ARHGEF38: variants seen among roughly 807,000 people sequenced by gnomAD.
ARHGEF38 encodes the protein Rho guanine nucleotide exchange factor (GEF) 38.
Under a neutral mutation model 79.9 loss-of-function variants are expected in ARHGEF38, and 79 were observed. The ratio of observed to expected loss-of-function variants is 0.99; its 90% CI spans 0.82 to 1.19. ARHGEF38 has a LOEUF of 1.19. Ranked by LOEUF, ARHGEF38 falls within the 50% of genes most tolerant of loss-of-function variation. The pLI is 0.00. For missense variants in ARHGEF38, 962 were observed against 907.2 expected (o/e 1.06, Z -0.78); for synonymous variants, 366 against 328.3 (o/e 1.11, Z -1.24).
chr4:105,635,419 G>C (rs545486592), intron 4 of ARHGEF38, among the ~76,000 whole-genome samples: 3 of 151,470 alleles, frequency 2.0e-5, no homozygotes, highest in Admixed American at 6.6e-5. Context: ...TGATATTTAG[G>C]TTTTACTTGG....
At position 105,566,146 on chromosome 4, in the gene ARHGEF38, A is replaced by G. The variant is rs563244390; in HGVS notation, c.196+13185A>G. The stretch of plus-strand genomic sequence containing the variant: ...CCTCATTGTCGAGATCTGTCTCCTG[A>G]GAATTTCTCTAGACTTGTCCCCTTT... On this transcript the variant is annotated intron_variant, in intron 1 of 13. Transcript: ENST00000420470. 4.6e-5 allele frequency among the ~76,000 whole-genome samples: 7 copies of G among 152,318 alleles called. No individual in the cohort carries two copies. The South Asian group carries it at 1.5e-3, about 32-fold the overall frequency.
intron 1 of ARHGEF38, among the ~76,000 whole-genome samples, chr4:105,563,010 G>A (rs969168758): frequency 2.0e-5 from 3 of 152,118 alleles, no homozygotes; most frequent in Non-Finnish European, 2.9e-5. Flanking sequence ...CACACTTTAC[G>A]TTTGGGGATG....
At chr4:105,580,110 T>TTTCTC (rs70938200) in intron 1 of ARHGEF38, among the ~76,000 whole-genome samples, 130,707 of 151,776 alleles carry the variant, frequency 0.86, 56,342 homozygotes, top group South Asian at 0.93. Context: ...ATTTGGATCT[T>TTTCTC]TTTTCTTCTT....
intron 3 of ARHGEF38, among the ~76,000 whole-genome samples, chr4:105,614,889 T>A (rs1728449964): frequency 6.6e-6 from 1 of 152,224 alleles, no homozygotes; most frequent in African/African-American, 2.4e-5. Flanking sequence ...AACAGCTTCT[T>A]GAATTGAAGG....
At chr4:105,572,991 T>C (rs1726310748) in intron 1 of ARHGEF38, among the ~76,000 whole-genome samples, 2 of 152,210 alleles carry the variant, frequency 1.3e-5, no homozygotes, top group South Asian at 4.1e-4. Flanking sequence ...TGATTAGTGA[T>C]GCTGAGCATC....
chr4:105,655,833 T>C, intron 9 of ARHGEF38, 111 bp downstream of exon 9: 1 of 1,174,550 alleles, frequency 8.5e-7, no homozygotes, highest in South Asian at 1.8e-5. Context: ...CTAAAGCAAA[T>C]ATTAATGTCA....
intron 13 of ARHGEF38, among the ~76,000 whole-genome samples, chr4:105,675,462 A>G (rs1731087548): frequency 6.6e-6 from 1 of 152,156 alleles, no homozygotes; most frequent in Non-Finnish European, 1.5e-5. Context: ...TAATTTGACC[A>G]TGTTCATCAA....
At chr4:105,628,382 T>G (rs949066281) in intron 3 of ARHGEF38, among the ~76,000 whole-genome samples, 1 of 152,204 alleles carries the variant, frequency 6.6e-6, no homozygotes, top group African/African-American at 2.4e-5. Flanking sequence ...CAGTCCCACT[T>G]CTGGGCCCTC....
chr4:105,576,170 C>CT (rs1377608762), intron 1 of ARHGEF38, among the ~76,000 whole-genome samples: 12 of 152,000 alleles, frequency 7.9e-5, no homozygotes, highest in African/African-American at 2.9e-4. Context: ...ATTGTTTTTG[C>CT]TAATTCTGTG....
chr4:105,671,973 A>G (rs1002704279), intron 13 of ARHGEF38, among the ~76,000 whole-genome samples: 1 of 152,094 alleles, frequency 6.6e-6, no homozygotes, highest in African/African-American at 2.4e-5. Context: ...TGATGGGTCT[A>G]GTGGGCCCTG....
At chr4:105,564,515 T>C (rs1725792665) in intron 1 of ARHGEF38, among the ~76,000 whole-genome samples, 1 of 152,124 alleles carries the variant, frequency 6.6e-6, no homozygotes, top group Non-Finnish European at 1.5e-5. Context: ...GGAATTATTG[T>C]TTAATGGGTA....
chr4:105,674,784 TA>T, intron 13 of ARHGEF38, among the ~76,000 whole-genome samples: 1 of 152,194 alleles, frequency 6.6e-6, no homozygotes, highest in South Asian at 2.1e-4. Context: ...ATTTAGAATA[TA>T]AACTATAATT....
chr4:105,586,087 GCGA>G, intron 1 of ARHGEF38, among the ~76,000 whole-genome samples: 1 of 151,978 alleles, frequency 6.6e-6, no homozygotes, highest in East Asian at 1.9e-4. Flanking sequence ...GCTGATTTGG[GCGA>G]TATGTGTTGG....
chr4:105,590,116 AAGGAAGGAAG>A (rs1240539701), intron 2 of ARHGEF38, among the ~76,000 whole-genome samples: 74 of 143,002 alleles, frequency 5.2e-4, no homozygotes, highest in African/African-American at 2.0e-3. Flanking sequence ...GGAAGGAAGG[AAGGAAGGAAG>A]GAAAGAAAGA....
intron 1 of ARHGEF38, among the ~76,000 whole-genome samples, chr4:105,578,202 A>T (rs1302692697): frequency 3.3e-5 from 5 of 152,104 alleles, no homozygotes; most frequent in Non-Finnish European, 5.9e-5. Flanking sequence ...TCAGGAGCAG[A>T]TCGTTTAATT....
intron 1 of ARHGEF38, among the ~76,000 whole-genome samples, chr4:105,577,662 T>G (rs1233354751): frequency 6.6e-6 from 1 of 152,124 alleles, no homozygotes; most frequent in African/African-American, 2.4e-5. Flanking sequence ...CTAAGAGGGT[T>G]GTATGTTTCC....
At chr4:105,650,756 CTTGAAT>C (rs1560748003) in intron 7 of ARHGEF38, among the ~76,000 whole-genome samples, 1 of 152,168 alleles carries the variant, frequency 6.6e-6, no homozygotes, top group Non-Finnish European at 1.5e-5. Flanking sequence ...GAACACAAGG[CTTGAAT>C]TATTTTTGTA....
intron 3 of ARHGEF38, among the ~76,000 whole-genome samples, chr4:105,616,906 A>C (rs1728533775): frequency 1.3e-5 from 2 of 152,238 alleles, no homozygotes; most frequent in Non-Finnish European, 2.9e-5. Context: ...TGCATGCAGC[A>C]TGGCTTCTCA....
intron 10 of ARHGEF38, among the ~76,000 whole-genome samples, chr4:105,663,995 A>C (rs891297611): frequency 5.3e-5 from 8 of 151,748 alleles, no homozygotes; most frequent in Admixed American, 6.6e-5. Context: ...CAAACAAAAC[A>C]AAACAAAAAA....
Sources: allele counts gnomAD v4.1 joint callset (sites outside exome capture counted in the v4.1 genomes callset), GRCh38; gene constraint gnomAD v4.1.1; transcripts MANE v1.5; gene names NCBI Gene and HGNC (gene_info 2026-07-23, HGNC 2026-07-21).